The following GSK3B variants were observed in gnomAD, a reference collection of about 807,000 sequenced individuals.
The protein encoded by GSK3B is glycogen synthase kinase-3 beta.
In GSK3B, 15 loss-of-function variants were observed where a neutral mutation model predicts 56.4. The ratio of observed to expected loss-of-function variants is 0.27; its 90% CI spans 0.18 to 0.41. The LOEUF is 0.41. GSK3B is among the 10% of genes least tolerant of loss of function. The pLI, the probability that GSK3B is intolerant of heterozygous loss-of-function variation, is 1.00. For synonymous variants in GSK3B, 181 were observed against 188.9 expected (o/e 0.96, Z 0.34); for missense variants, 300 against 513.4 (o/e 0.58, Z 4.02).
In GSK3B at chr3:119,992,071, C is replaced by A. The variant is rs73854758; in HGVS notation, c.282+9975G>T. Among the ~76,000 whole-genome samples, 649 of 151,906 alleles carry A rather than the reference C, an allele frequency of 4.3e-3. 2 individuals carry two copies. Among genetic ancestry groups the A allele is most frequent in the African/African-American group, 0.015 (609 of 41,464 alleles). ...CTATATTAATTTATAAATAAAATCC[C>A]AATTTAAAAGATCAACACTTTTTTT... On this transcript the variant is annotated intron_variant, in intron 2 of 10. Coordinates refer to ENST00000264235, the MANE Select transcript of GSK3B (RefSeq NM_001146156.2).
At chr3:119,884,467 AT>A (rs142905453) in intron 7 of GSK3B, among the ~76,000 whole-genome samples, 48 of 152,182 alleles carry the variant, frequency 3.2e-4, no homozygotes, top group Non-Finnish European at 6.6e-4. Flanking sequence ...AGACACATCA[AT>A]TTTCTTTTCT....
At chr3:119,947,757 GCTTGAC>G (rs1251453659) in intron 2 of GSK3B, among the ~76,000 whole-genome samples, 1 of 151,164 alleles carries the variant, frequency 6.6e-6, no homozygotes, top group Non-Finnish European at 1.5e-5. Context: ...ACCACAAATA[GCTTGAC>G]CTTATTGTTT....
At chr3:120,085,097 A>G (rs1216814769) in intron 1 of GSK3B, among the ~76,000 whole-genome samples, 1 of 152,238 alleles carries the variant, frequency 6.6e-6, no homozygotes, top group East Asian at 1.9e-4. Flanking sequence ...ACTTCACTGA[A>G]TATCTTTAAA....
At chr3:119,917,249 A>C (rs6792572) in intron 4 of GSK3B, among the ~76,000 whole-genome samples, 81,382 of 152,090 alleles carry the variant, frequency 0.54, 25,125 homozygotes, top group African/African-American at 0.86. Flanking sequence ...ACCTACTTTC[A>C]TTCTAAGAAG....
chr3:120,031,083 A>G (rs2107521587), intron 1 of GSK3B, among the ~76,000 whole-genome samples: 1 of 152,384 alleles, frequency 6.6e-6, no homozygotes, highest in South Asian at 2.1e-4. Context: ...AGAGTATGTT[A>G]AAATTCCAAG....
intron 2 of GSK3B, among the ~76,000 whole-genome samples, chr3:119,992,054 A>G (rs2057571011): frequency 6.6e-6 from 1 of 152,058 alleles, no homozygotes; most frequent in South Asian, 2.1e-4. Context: ...TCCTATATTA[A>G]TTTATAAATA....
At chr3:120,072,276 G>A (rs190303390) in intron 1 of GSK3B, among the ~76,000 whole-genome samples, 11 of 152,036 alleles carry the variant, frequency 7.2e-5, no homozygotes, top group East Asian at 1.9e-4. Flanking sequence ...AATTATCTTC[G>A]GCCGGGCACG....
chr3:119,906,815 C>T (rs1273487903), intron 6 of GSK3B, among the ~76,000 whole-genome samples: 4 of 152,042 alleles, frequency 2.6e-5, no homozygotes, highest in Non-Finnish European at 5.9e-5. Flanking sequence ...GAAGAAGGAA[C>T]AGTAAATGGT....
At chr3:119,950,510 T>C (rs979442763) in intron 2 of GSK3B, among the ~76,000 whole-genome samples, 6 of 152,028 alleles carry the variant, frequency 3.9e-5, no homozygotes, top group Admixed American at 1.3e-4. Flanking sequence ...GCTATGAAAA[T>C]GCAAGATGTT....
At chr3:119,886,232 C>A (rs542665435) in intron 7 of GSK3B, among the ~76,000 whole-genome samples, 14 of 151,978 alleles carry the variant, frequency 9.2e-5, no homozygotes, top group Non-Finnish European at 1.5e-4. Context: ...ATGGGCAGAA[C>A]ACGTGAACAG....
intron 3 of GSK3B, among the ~76,000 whole-genome samples, chr3:119,931,405 C>T (rs1475860293): frequency 1.3e-5 from 2 of 152,128 alleles, no homozygotes; most frequent in East Asian, 1.9e-4. Context: ...CTCTTGAGCC[C>T]GGAAGTTTAA....
At chr3:120,042,600 T>A (rs1475232314) in intron 1 of GSK3B, among the ~76,000 whole-genome samples, 4 of 152,186 alleles carry the variant, frequency 2.6e-5, no homozygotes, top group Admixed American at 2.0e-4. Context: ...CCTCACTCAC[T>A]GGGTCAAATG....
intron 6 of GSK3B, among the ~76,000 whole-genome samples, chr3:119,912,347 T>A (rs138311274): frequency 6.6e-6 from 1 of 152,186 alleles, no homozygotes; most frequent in East Asian, 1.9e-4. Flanking sequence ...TAGATCACCA[T>A]AGCAGATACA....
rs193203885 is a variant in GSK3B at position 120,077,136 on chromosome 3, G to C, written c.88+16211C>G. Among the ~76,000 whole-genome samples, 133 of 152,238 alleles carry C rather than the reference G, an allele frequency of 8.7e-4. 1 individual carries two copies. The Middle Eastern group carries it at 0.01, about 12-fold the overall frequency. ...GAGGTTTCTAAAGAAACTAAAAATA[G>C]AACTATCATATGACCCAGTAATTAT... On this transcript the variant is annotated intron_variant, in intron 1 of 10. Coordinates refer to ENST00000264235, the MANE Select transcript of GSK3B (RefSeq NM_001146156.2).
chr3:120,065,613 C>T lies in GSK3B; in HGVS notation c.88+27734G>A, dbSNP rs534215831. ...GACCCTGCAATTTCATTATTAGGTA[C>T]AGACCTAAAAGAAATGACAGGTGTT... On this transcript the variant is annotated intron_variant, in intron 1 of 10. Coordinates refer to ENST00000264235, the MANE Select transcript of GSK3B (RefSeq NM_001146156.2). Among the ~76,000 whole-genome samples, 2 of 152,172 alleles carry T rather than the reference C, an allele frequency of 1.3e-5. 1 individual carries two copies. The highest frequency in any genetic ancestry group is 4.1e-4 in the South Asian group (2 of 4,822).
intron 1 of GSK3B, 75 bp downstream of exon 1, chr3:120,093,272 C>G: frequency 1.0e-6 from 1 of 969,872 alleles, no homozygotes; most frequent in South Asian, 1.3e-5. Context: ...CTAATAATTT[C>G]AGATCCTGGT....
chr3:119,962,663 A>C (rs1324054827), intron 2 of GSK3B, among the ~76,000 whole-genome samples: 5 of 152,194 alleles, frequency 3.3e-5, no homozygotes, highest in Admixed American at 1.3e-4. Flanking sequence ...TGTTAGAATA[A>C]ATTCAGTCAA....
At chr3:120,009,779 G>C (rs1183412280) in intron 1 of GSK3B, among the ~76,000 whole-genome samples, 1 of 151,936 alleles carries the variant, frequency 6.6e-6, no homozygotes, top group Admixed American at 6.6e-5. Flanking sequence ...CATGGCACAT[G>C]TATACCTATA....
intron 1 of GSK3B, among the ~76,000 whole-genome samples, chr3:120,032,336 G>A (rs1229825127): frequency 6.6e-5 from 10 of 152,004 alleles, no homozygotes. Flanking sequence ...TTAGCCAAGG[G>A]TAGTGGCAGG....
Sources: allele counts gnomAD v4.1 joint callset (sites outside exome capture counted in the v4.1 genomes callset), GRCh38; gene constraint gnomAD v4.1.1; transcripts MANE v1.5; gene names NCBI Gene and HGNC (gene_info 2026-07-23, HGNC 2026-07-21).